The following SNX29 variants were observed in gnomAD, a reference collection of about 807,000 sequenced individuals.
SNX29 encodes sorting nexin-29.
In SNX29, 78 loss-of-function variants were observed where a neutral mutation model predicts 102.1. That is an observed-to-expected ratio of 0.76 (90% confidence interval 0.64 to 0.92). The LOEUF (loss-of-function observed/expected upper bound fraction) is 0.92. SNX29 is among the 40% of genes least tolerant of loss of function. The pLI is 0.00. For synonymous variants in SNX29, 580 were observed against 414.5 expected (o/e 1.40, Z -4.85); for missense variants, 1,280 against 1,061.7 (o/e 1.21, Z -2.86).
At chr16:12,054,081 C>T (rs1402743273) in intron 8 of SNX29, among the ~76,000 whole-genome samples, 1 of 151,944 alleles carries the variant, frequency 6.6e-6, no homozygotes, top group Non-Finnish European at 1.5e-5. Flanking sequence ...CATTCTCCTG[C>T]CTCAGCCTCC....
At chr16:12,235,659 A>C (rs1459596769) in intron 14 of SNX29, among the ~76,000 whole-genome samples, 1 of 152,228 alleles carries the variant, frequency 6.6e-6, no homozygotes, top group Non-Finnish European at 1.5e-5. Flanking sequence ...AGAGGAAAGA[A>C]GTGAAAAAAC....
At chr16:12,281,665 A>G (rs2079433800) in intron 15 of SNX29, among the ~76,000 whole-genome samples, 2 of 152,132 alleles carry the variant, frequency 1.3e-5, no homozygotes, top group Non-Finnish European at 1.5e-5. Context: ...ACGTAGATGA[A>G]CATATGTGAT....
chr16:12,081,821 C>G (rs2051911768), intron 11 of SNX29: 1 of 152,924 alleles, frequency 6.5e-6, no homozygotes, highest in African/African-American at 2.4e-5. Context: ...GGTGACATCC[C>G]TGGGGTCCGA....
chr16:12,112,972 T>G (rs1314910374), intron 11 of SNX29, among the ~76,000 whole-genome samples: 2 of 152,202 alleles, frequency 1.3e-5, no homozygotes, highest in East Asian at 3.9e-4. Context: ...CCACGCTGCC[T>G]GGGACAGCGT....
At position 12,563,406 on chromosome 16, in the gene SNX29, C is replaced by T. The variant is rs185523868; in HGVS notation, c.2319-5100C>T. Among the ~76,000 whole-genome samples, 201 of 152,248 alleles carry T rather than the reference C, an allele frequency of 1.3e-3. 3 individuals are homozygous for T. The highest frequency in any genetic ancestry group is 1.0e-3 in the Non-Finnish European group (70 of 68,014). Reference sequence around the variant, plus strand: ...TACCCGTAACCATGAAAATAGATGGCGACTGGATTTTGTTCCTTGCGGTAT... The same window carrying T: ...TACCCGTAACCATGAAAATAGATGGTGACTGGATTTTGTTCCTTGCGGTAT... On this transcript the variant is annotated intron_variant, in intron 20 of 20. Coordinates refer to ENST00000566228, the MANE Select transcript of SNX29 (RefSeq NM_032167.5).
At position 12,098,245 on chromosome 16, in the gene SNX29, A is replaced by T. The variant is rs944242585; in HGVS notation, c.1402+19330A>T. ...TAGACCTTAAATATTAATGTTAAAA[A>T]TTTGTATTTAAATTTTTGTTTTGCA... On this transcript the variant is annotated intron_variant, in intron 11 of 20. Transcript: ENST00000566228. This position sits in a 1 kb window ranked among gnomAD's most constrained non-coding sequence, Gnocchi z 6.0. Among the ~76,000 whole-genome samples the T allele has an allele frequency of 5.3e-5, 8 of 152,064 alleles. No individual in the cohort carries two copies. The highest frequency in any genetic ancestry group is 2.1e-4 in the South Asian group (1 of 4,826).
chr16:12,330,710 CA>C (rs1191853407), intron 15 of SNX29, among the ~76,000 whole-genome samples: 1 of 152,194 alleles, frequency 6.6e-6, no homozygotes. Flanking sequence ...GCGCTTGTGG[CA>C]GGTTTCAGGG....
chr16:12,567,587 G>A (rs767656297), intron 20 of SNX29, among the ~76,000 whole-genome samples: 6 of 152,022 alleles, frequency 3.9e-5, no homozygotes, highest in African/African-American at 7.2e-5. Flanking sequence ...CTGGACAAGA[G>A]CAAGACCCCA....
chr16:12,543,456 G>T (rs951128773), intron 20 of SNX29, among the ~76,000 whole-genome samples: 1 of 152,180 alleles, frequency 6.6e-6, no homozygotes, highest in Non-Finnish European at 1.5e-5. Flanking sequence ...CATGCTGCGG[G>T]GTCTGGTGAA....
intron 3 of SNX29, among the ~76,000 whole-genome samples, chr16:12,012,796 G>C (rs556927478): frequency 2.6e-5 from 4 of 152,010 alleles, no homozygotes; most frequent in African/African-American, 9.7e-5. Flanking sequence ...GTTGGCTTGA[G>C]GTGGAATTCC....
At chr16:12,172,174 C>G (rs536232313) in intron 13 of SNX29, among the ~76,000 whole-genome samples, 6 of 152,220 alleles carry the variant, frequency 3.9e-5, no homozygotes, top group Admixed American at 1.3e-4. Context: ...CCTGGTGGCT[C>G]TCATTGTGGC....
rs749579763 is a variant in SNX29, at chr16:12,558,096, C to T, written c.2319-10410C>T. Reference sequence around the variant, plus strand: ...CTGAACATCCCATGCAAAGTGGGGACGGGGCAACTGAGAATTAGAAGACCA... The same window carrying T: ...CTGAACATCCCATGCAAAGTGGGGATGGGGCAACTGAGAATTAGAAGACCA... On this transcript the variant is annotated intron_variant, in intron 20 of 20. Coordinates refer to ENST00000566228, the MANE Select transcript of SNX29 (RefSeq NM_032167.5). Among the ~76,000 whole-genome samples the T allele has an allele frequency of 3.2e-4, 48 of 152,122 alleles. 1 individual carries two copies. Among genetic ancestry groups the T allele is most frequent in the Non-Finnish European group, 1.2e-4 (8 of 68,030 alleles).
At chr16:12,445,776 G>A (rs994972412) in intron 18 of SNX29, among the ~76,000 whole-genome samples, 8 of 152,148 alleles carry the variant, frequency 5.3e-5, no homozygotes, top group African/African-American at 1.9e-4. Flanking sequence ...TGTATGCCAG[G>A]CCCTGGATTG....
chr16:12,353,350 C>G (rs916904695), intron 15 of SNX29, among the ~76,000 whole-genome samples: 9 of 152,202 alleles, frequency 5.9e-5, no homozygotes, highest in Admixed American at 2.0e-4. Context: ...CATGATCACC[C>G]ATGTCATAAA....
intron 14 of SNX29, among the ~76,000 whole-genome samples, chr16:12,261,951 C>T (rs112370777): frequency 2.4e-5 from 3 of 126,090 alleles, no homozygotes; most frequent in South Asian, 5.2e-4. Context: ...CACGTGTCCC[C>T]GGCTGGAGTG....
At chr16:12,009,459 A>ATGTGTGTG (rs139936824) in intron 3 of SNX29, among the ~76,000 whole-genome samples, 7 of 148,982 alleles carry the variant, frequency 4.7e-5, no homozygotes, top group African/African-American at 1.5e-4. Context: ...GTGTGTATAT[A>ATGTGTGTG]TGTGTGTGTG....
chr16:12,413,657 C>G (rs565066635), intron 18 of SNX29, among the ~76,000 whole-genome samples: 1 of 152,142 alleles, frequency 6.6e-6, no homozygotes, highest in Non-Finnish European at 1.5e-5. Context: ...GGGGAGACAG[C>G]TTGTTCATCC....
intron 18 of SNX29, among the ~76,000 whole-genome samples, chr16:12,414,954 C>T (rs2084565654): frequency 6.6e-6 from 1 of 152,174 alleles, no homozygotes; most frequent in Non-Finnish European, 1.5e-5. Context: ...AACTCCTAAC[C>T]TCAAATGATC....
intron 15 of SNX29, among the ~76,000 whole-genome samples, chr16:12,340,194 T>G (rs1361254688): frequency 6.6e-6 from 1 of 152,214 alleles, no homozygotes; most frequent in Non-Finnish European, 1.5e-5. Context: ...CTCCCCTTCT[T>G]CTCCTTCCCT....
Sources: allele counts gnomAD v4.1 joint callset (sites outside exome capture counted in the v4.1 genomes callset), GRCh38; gene constraint gnomAD v4.1.1; non-coding constraint Gnocchi (gnomAD v3.1); transcripts MANE v1.5; gene names NCBI Gene and HGNC (gene_info 2026-07-23, HGNC 2026-07-21).